Variants in NAALADL2 observed in about 807,000 individuals in gnomAD.
The protein encoded by NAALADL2 is N-acetylated alpha-linked acidic dipeptidase like 2.
A neutral mutation model predicts 87.2 loss-of-function variants in NAALADL2; 76 were observed. The ratio of observed to expected loss-of-function variants is 0.87; its 90% CI spans 0.72 to 1.05. The LOEUF (loss-of-function observed/expected upper bound fraction) is 1.05. Among genes scored for constraint, NAALADL2 ranks in the 50% least tolerant of loss-of-function variants. The pLI is 0.00. For missense variants in NAALADL2, 1,089 were observed against 945.8 expected, an observed-to-expected ratio of 1.15 and a Z score of -1.99; for synonymous variants, 354 against 331.0, an observed-to-expected ratio of 1.07 and a Z score of -0.75.
At chr3:175,777,753 A>G (rs1750442615) in intron 13 of NAALADL2, among the ~76,000 whole-genome samples, 1 of 152,112 alleles carries the variant, frequency 6.6e-6, no homozygotes, top group Admixed American at 6.6e-5. Context: ...TTAAATTAGT[A>G]CTGTAGTTTA....
At chr3:174,605,343 G>A (rs550402978) in intron 2 of NAALADL2, among the ~76,000 whole-genome samples, 11 of 152,256 alleles carry the variant, frequency 7.2e-5, no homozygotes, top group Non-Finnish European at 1.2e-4. Flanking sequence ...CGCACCGTGC[G>A]CAAGCCGAAG....
intron 5 of NAALADL2, among the ~76,000 whole-genome samples, chr3:175,348,843 A>T (rs1193814961): frequency 1.3e-5 from 2 of 152,180 alleles, no homozygotes; most frequent in African/African-American, 4.8e-5. Context: ...GGGGAACACA[A>T]TTCAATCCGT....
At chr3:174,787,596 T>TATACATATATATATATATATACAC (rs1553855395) in intron 3 of NAALADL2, among the ~76,000 whole-genome samples, 3 of 65,820 alleles carry the variant, frequency 4.6e-5, no homozygotes, top group South Asian at 5.7e-4. Context: ...TATATATATA[T>TATACATATATATATATATATACAC]ATATATATAT....
Position 175,594,361 on chromosome 3 carries a change from G to GTA in NAALADL2, c.1800+18183_1800+18184dup, listed in dbSNP as rs1721957837. 2.0e-5 allele frequency among the ~76,000 whole-genome samples: 3 copies of GTA among 152,040 alleles called. No individual in the cohort carries two copies. The South Asian group carries it at 6.2e-4, about 32-fold the overall frequency. ...TTTTATGGCTTCATAGTATTCCATT[G>GTA]TATATATATACCACATTTTCTATTC... On this transcript the variant is annotated intron_variant, in intron 10 of 13. Transcript: ENST00000454872.
intron 11 of NAALADL2, among the ~76,000 whole-genome samples, chr3:175,672,425 C>A (rs1734125504): frequency 6.6e-6 from 1 of 152,070 alleles, no homozygotes. Flanking sequence ...CTGTTAGTGC[C>A]GTTACGTGAA....
Position 175,338,934 on chromosome 3 carries a change from GCAGCAAAGTAA to G in NAALADL2, c.1090+14615_1090+14625del, listed in dbSNP as rs541386244. 1.6e-3 allele frequency among the ~76,000 whole-genome samples: 246 copies of G among 152,282 alleles called. 1 individual carries two copies. Among genetic ancestry groups the G allele is most frequent in the Non-Finnish European group, 1.9e-3 (130 of 68,020 alleles). ...CAATGCTGCACAGAAGGGAGGGAAGGCAGCAAAGTAACAGCATTGGTGTTGTACAGAGTTGA... is the reference window on the plus strand; with the variant it reads ...CAATGCTGCACAGAAGGGAGGGAAGGCAGCATTGGTGTTGTACAGAGTTGA... On this transcript the variant is annotated intron_variant, in intron 5 of 13. Coordinates refer to ENST00000454872, the MANE Select transcript of NAALADL2 (RefSeq NM_207015.3).
At chr3:175,527,222 C>G (rs1733535682) in intron 9 of NAALADL2, among the ~76,000 whole-genome samples, 1 of 152,112 alleles carries the variant, frequency 6.6e-6, no homozygotes, top group Non-Finnish European at 1.5e-5. Context: ...TTTACATTGA[C>G]TTGAAGGCTA....
upstream of NAALADL2, among the ~76,000 whole-genome samples, chr3:174,855,341 C>G (rs1319287800): frequency 2.6e-5 from 4 of 152,102 alleles, no homozygotes; most frequent in Non-Finnish European, 5.9e-5. Flanking sequence ...TGTGTTTATT[C>G]AGTCCACCAT....
rs183659219 is a variant in NAALADL2 at position 175,389,009 on chromosome 3, A to C, written c.1091-58220A>C. ...TTTCTGTTTAATGGTACTTTTTATC[A>C]TTCTGTTCATTAAGATAATCATCCT... On this transcript the variant is annotated intron_variant, in intron 5 of 13. Transcript: ENST00000454872. Among the ~76,000 whole-genome samples, 26 of 152,128 alleles carry C rather than the reference A, an allele frequency of 1.7e-4. No homozygotes were observed. The East Asian group carries it at 5.0e-3, about 29-fold the overall frequency.
chr3:175,462,320 C>T (rs12630688), intron 6 of NAALADL2, among the ~76,000 whole-genome samples: 6,616 of 152,150 alleles, frequency 0.043, 347 homozygotes, highest in East Asian at 0.14. Flanking sequence ...TCAGACTCTA[C>T]GTAGATTTAC....
chr3:175,433,106 T>C (rs866972066), intron 5 of NAALADL2, among the ~76,000 whole-genome samples: 4 of 152,012 alleles, frequency 2.6e-5, no homozygotes, highest in Non-Finnish European at 5.9e-5. Flanking sequence ...TCCCAGCTCT[T>C]CTGGTTTGCT....
chr3:174,732,742 A>T (rs188739261), intron 2 of NAALADL2, among the ~76,000 whole-genome samples: 3 of 152,174 alleles, frequency 2.0e-5, no homozygotes, highest in Non-Finnish European at 1.5e-5. Context: ...GTCTTGAAGA[A>T]GACTGTTTTA....
At chr3:174,621,788 T>C (rs1226962514) in intron 2 of NAALADL2, among the ~76,000 whole-genome samples, 1 of 152,144 alleles carries the variant, frequency 6.6e-6, no homozygotes, top group Non-Finnish European at 1.5e-5. Context: ...ATGTAATAAG[T>C]ATAATGGGTC....
chr3:174,670,136 T>G (rs567910909), intron 2 of NAALADL2, among the ~76,000 whole-genome samples: 3 of 149,588 alleles, frequency 2.0e-5, no homozygotes, highest in African/African-American at 4.9e-5. Context: ...CAGTTTTTTT[T>G]GTGGAAACTT....
At chr3:174,668,999 A>T (rs1170651065) in intron 2 of NAALADL2, among the ~76,000 whole-genome samples, 5 of 152,138 alleles carry the variant, frequency 3.3e-5, no homozygotes, top group Admixed American at 2.6e-4. Context: ...TGCCACACTG[A>T]CTTCCACAAT....
At chr3:175,181,787 A>ATG (rs1387845317) in intron 2 of NAALADL2, among the ~76,000 whole-genome samples, 1 of 144,324 alleles carries the variant, frequency 6.9e-6, no homozygotes, top group Admixed American at 7.1e-5. Flanking sequence ...ATGTATATAT[A>ATG]TGTGTGTGTG....
chr3:175,376,218 A>T (rs753629284), intron 5 of NAALADL2, among the ~76,000 whole-genome samples: 1 of 152,096 alleles, frequency 6.6e-6, no homozygotes, highest in Non-Finnish European at 1.5e-5. Flanking sequence ...TTCTTTTCGT[A>T]TCTCTGAATT....
intron 1 of NAALADL2, among the ~76,000 whole-genome samples, chr3:174,478,639 A>G (rs1717357541): frequency 6.6e-6 from 1 of 152,118 alleles, no homozygotes; most frequent in Non-Finnish European, 1.5e-5. Context: ...AACAATGAAT[A>G]TATTTTTCTA....
intron 3 of NAALADL2, among the ~76,000 whole-genome samples, chr3:175,252,885 C>G (rs1236703519): frequency 1.3e-5 from 2 of 152,186 alleles, no homozygotes; most frequent in African/African-American, 4.8e-5. Context: ...GCCCCTAACT[C>G]TTTTCAGTTG....
Sources: gnomAD v4.1 joint callset for allele counts (sites outside exome capture counted in the v4.1 genomes callset) on GRCh38, gnomAD v4.1.1 for gene constraint, MANE v1.5 for transcripts, NCBI Gene and HGNC (gene_info 2026-07-23, HGNC 2026-07-21) for gene names.